The following CYYR1 variants were observed in gnomAD, a reference collection of about 807,000 sequenced individuals.
CYYR1 encodes the protein cysteine and tyrosine-rich protein 1.
In CYYR1, 14 loss-of-function variants were observed where a neutral mutation model predicts 15.2. That is an observed-to-expected ratio of 0.92 (90% confidence interval 0.61 to 1.44). The LOEUF (loss-of-function observed/expected upper bound fraction) is 1.44, where lower values mean the gene tolerates loss of function less well. CYYR1 is among the 40% of genes most tolerant of loss of function. The pLI, the probability that CYYR1 is intolerant of heterozygous loss-of-function variation, is 0.00. For missense variants in CYYR1, 228 were observed against 209.5 expected (o/e 1.09, Z -0.54); for synonymous variants, 80 against 77.4 (o/e 1.03, Z -0.18).
chr21:26,552,471 G>A (rs960985423), intron 2 of CYYR1, among the ~76,000 whole-genome samples: 1 of 152,082 alleles, frequency 6.6e-6, no homozygotes, highest in African/African-American at 2.4e-5. Context: ...GATCATTAAT[G>A]TAATTATTGA....
intron 2 of CYYR1, among the ~76,000 whole-genome samples, chr21:26,503,089 C>G (rs1347333569): frequency 3.3e-5 from 5 of 151,976 alleles, no homozygotes; most frequent in Non-Finnish European, 5.9e-5. Context: ...AAACAGGGCT[C>G]AATTTTAGAG....
intron 2 of CYYR1, among the ~76,000 whole-genome samples, chr21:26,529,778 T>C (rs983836711): frequency 3.9e-5 from 6 of 152,216 alleles, no homozygotes; most frequent in Non-Finnish European, 7.3e-5. Flanking sequence ...TGCTATTGGA[T>C]TTTATCTTAT....
chr21:26,471,177 A>G (rs1053212747), intron 3 of CYYR1: 1 of 152,194 alleles, frequency 6.6e-6, no homozygotes, highest in Non-Finnish European at 1.5e-5. Flanking sequence ...AACAAACTTC[A>G]TCCAAGCCAA....
At chr21:26,505,573 C>T (rs568378133) in intron 2 of CYYR1, among the ~76,000 whole-genome samples, 1 of 152,172 alleles carries the variant, frequency 6.6e-6, no homozygotes, top group African/African-American at 2.4e-5. Flanking sequence ...TGTACATAAC[C>T]AGAGTGCCTG....
intron 2 of CYYR1, among the ~76,000 whole-genome samples, chr21:26,534,583 G>A (rs926947199): frequency 2.6e-5 from 4 of 152,140 alleles, no homozygotes; most frequent in African/African-American, 7.2e-5. Flanking sequence ...CCTTTGGCTC[G>A]CTCTCAGTAT....
At position 26,496,529 on chromosome 21, in the gene CYYR1, G is replaced by T. The variant is rs150561106; in HGVS notation, c.177-16100C>A. 4.6e-3 allele frequency among the ~76,000 whole-genome samples: 694 copies of T among 152,164 alleles called. 4 individuals carry two copies. Among genetic ancestry groups the T allele is most frequent in the Admixed American group, 8.4e-3 (128 of 15,294 alleles). ...GGAAGAAATCATGGATGTACAAAATGAATATTTAACATAGAATCATTTTTT... is the reference window on the plus strand; with the variant it reads ...GGAAGAAATCATGGATGTACAAAATTAATATTTAACATAGAATCATTTTTT... On this transcript the variant is annotated intron_variant, in intron 2 of 3. Transcript: ENST00000652641.
At chr21:26,495,237 G>C (rs1348478588) in intron 2 of CYYR1, among the ~76,000 whole-genome samples, 2 of 152,168 alleles carry the variant, frequency 1.3e-5, no homozygotes. Flanking sequence ...ATTGGGCAGA[G>C]AGCGGTAGAT....
chr21:26,531,971 C>G (rs899058269), intron 2 of CYYR1, among the ~76,000 whole-genome samples: 3 of 152,058 alleles, frequency 2.0e-5, no homozygotes, highest in African/African-American at 7.2e-5. Flanking sequence ...GCATGCCTGA[C>G]ACAACCTCTG....
At chr21:26,532,614 T>C (rs1009487787) in intron 2 of CYYR1, among the ~76,000 whole-genome samples, 1 of 152,196 alleles carries the variant, frequency 6.6e-6, no homozygotes, top group Non-Finnish European at 1.5e-5. Flanking sequence ...GTTCCTGCTG[T>C]TGTTTAGCAG....
At chr21:26,477,984 G>T in intron 3 of CYYR1, 3 of 1,508,052 alleles carry the variant, frequency 2.0e-6, no homozygotes, top group East Asian at 5.0e-5. Flanking sequence ...ATTCCCTAGG[G>T]TATTGATATA....
intron 2 of CYYR1, among the ~76,000 whole-genome samples, chr21:26,506,176 C>T (rs916629489): frequency 2.0e-5 from 3 of 151,996 alleles, no homozygotes; most frequent in Non-Finnish European, 4.4e-5. Context: ...GAAAAGGGGC[C>T]CTTGGGAAAT....
At chr21:26,517,070 G>A (rs537857230) in intron 2 of CYYR1, among the ~76,000 whole-genome samples, 1,353 of 124,696 alleles carry the variant, frequency 0.011, 14 homozygotes, top group Middle Eastern at 0.087. Context: ...AGCCGAGATC[G>A]CGCCACTGCA....
chr21:26,481,893 G>A (rs1381860875), intron 2 of CYYR1, among the ~76,000 whole-genome samples: 2 of 151,826 alleles, frequency 1.3e-5, no homozygotes, highest in African/African-American at 4.8e-5. Flanking sequence ...ATTGCCATGA[G>A]GTAAAACTGC....
intron 2 of CYYR1, among the ~76,000 whole-genome samples, chr21:26,514,626 T>C (rs1410264523): frequency 6.6e-6 from 1 of 152,198 alleles, no homozygotes; most frequent in Non-Finnish European, 1.5e-5. Context: ...GTGGCCCTAG[T>C]TTCCTAGTGC....
intron 2 of CYYR1, chr21:26,482,117 A>G (rs1029199098): frequency 1.7e-5 from 4 of 231,196 alleles, no homozygotes; most frequent in African/African-American, 9.4e-5. Flanking sequence ...CTCCTCTTAT[A>G]CTATTTGGGA....
intron 2 of CYYR1, among the ~76,000 whole-genome samples, chr21:26,501,416 T>A (rs2065480617): frequency 6.6e-6 from 1 of 152,212 alleles, no homozygotes; most frequent in Admixed American, 6.5e-5. Context: ...GTGCTAAATT[T>A]AAGATAGACA....
At chr21:26,542,614 T>G in intron 2 of CYYR1, among the ~76,000 whole-genome samples, 1 of 152,132 alleles carries the variant, frequency 6.6e-6, no homozygotes, top group East Asian at 1.9e-4. Context: ...CAACAACTTC[T>G]AGTCAATATT....
At chr21:26,525,647 T>C (rs757066636) in intron 2 of CYYR1, among the ~76,000 whole-genome samples, 2 of 152,370 alleles carry the variant, frequency 1.3e-5, no homozygotes, top group East Asian at 1.9e-4. Context: ...AGTAAATTTA[T>C]GGCACTATGT....
At chr21:26,565,422 A>G (rs1467526844) in intron 2 of CYYR1, among the ~76,000 whole-genome samples, 1 of 152,154 alleles carries the variant, frequency 6.6e-6, no homozygotes, top group Non-Finnish European at 1.5e-5. Flanking sequence ...AAAAACAAGA[A>G]CAGAAGACAG....
Sources: allele counts gnomAD v4.1 joint callset (sites outside exome capture counted in the v4.1 genomes callset), GRCh38; gene constraint gnomAD v4.1.1; transcripts MANE v1.5; gene names NCBI Gene and HGNC (gene_info 2026-07-23, HGNC 2026-07-21).